Variants in AFF1 observed in about 807,000 individuals in gnomAD.
The protein encoded by AFF1 is AF4/FMR2 family member 1.
In AFF1, 48 loss-of-function variants were observed where a neutral mutation model predicts 121.7. The observed-to-expected ratio is 0.39, with a 90% CI of 0.31 to 0.50. The LOEUF (loss-of-function observed/expected upper bound fraction) is 0.50, where lower values mean the gene tolerates loss of function less well. AFF1 is among the 20% of genes least tolerant of loss of function. The pLI is 0.76. For missense variants in AFF1, 1,523 were observed against 1,511.7 expected (o/e 1.01, Z -0.12); for synonymous variants, 613 against 563.0 (o/e 1.09, Z -1.26).
At chr4:86,954,059 A>T (rs909983042) in intron 2 of AFF1, among the ~76,000 whole-genome samples, 1 of 152,118 alleles carries the variant, frequency 6.6e-6, no homozygotes, top group Non-Finnish European at 1.5e-5. Flanking sequence ...GATTAAGACC[A>T]GCTGTCTAGA....
intron 12 of AFF1, among the ~76,000 whole-genome samples, chr4:87,124,093 A>G (rs903002684): frequency 6.6e-6 from 1 of 152,266 alleles, no homozygotes; most frequent in African/African-American, 2.4e-5. Context: ...AAGCTGGTGT[A>G]TGTGCTAACA....
intron 1 of AFF1, among the ~76,000 whole-genome samples, chr4:86,941,680 A>ATAAC (rs70953625): frequency 6.6e-6 from 1 of 151,754 alleles, no homozygotes; most frequent in Non-Finnish European, 1.5e-5. Flanking sequence ...AAATAAATAA[A>ATAAC]ATAAAAAATA....
intron 1 of AFF1, among the ~76,000 whole-genome samples, chr4:86,947,716 A>G (rs1720965711): frequency 6.6e-6 from 1 of 152,190 alleles, no homozygotes; most frequent in Non-Finnish European, 1.5e-5. Flanking sequence ...GTTACCCAAG[A>G]TAGTACCAAG....
Position 87,072,498 on chromosome 4 carries a change from C to T in AFF1, c.1060-11622C>T. Among the ~76,000 whole-genome samples the T allele has an allele frequency of 2.7e-5, 4 of 150,638 alleles. 1 individual carries two copies. In the Middle Eastern group the frequency reaches 0.01, roughly 384 times the overall value. ...AATAACTTTTATATATCTAGTCTGC[C>T]CCTTGTATTTATTTATTATTTATTT... is the stretch of plus-strand genomic sequence containing the variant. On this transcript the variant is annotated intron_variant, in intron 4 of 20. Transcript: ENST00000395146.
intron 12 of AFF1, among the ~76,000 whole-genome samples, chr4:87,118,296 A>C (rs961013734): frequency 1.1e-5 from 1 of 92,312 alleles, no homozygotes; most frequent in Admixed American, 1.2e-4. Context: ...CATGGCACCT[A>C]TAGAAATGCA....
At chr4:87,096,061 A>G (rs236689) in intron 8 of AFF1, among the ~76,000 whole-genome samples, 1 of 152,296 alleles carries the variant, frequency 6.6e-6, no homozygotes, top group South Asian at 2.1e-4. Context: ...CCATGACTAA[A>G]TGTGGGTCTG....
At chr4:87,005,838 G>T (rs1415254692) in intron 2 of AFF1, among the ~76,000 whole-genome samples, 1 of 152,232 alleles carries the variant, frequency 6.6e-6, no homozygotes, top group Non-Finnish European at 1.5e-5. Context: ...AGTGAAGAAT[G>T]CAGTGACTAC....
At chr4:87,084,640 A>G (rs776790240) in intron 5 of AFF1, among the ~76,000 whole-genome samples, 1 of 152,136 alleles carries the variant, frequency 6.6e-6, no homozygotes, top group Non-Finnish European at 1.5e-5. Context: ...AACCCCTTTT[A>G]ACCATTTCTC....
chr4:86,974,813 G>A (rs559023283), intron 2 of AFF1, among the ~76,000 whole-genome samples: 6 of 152,280 alleles, frequency 3.9e-5, no homozygotes, highest in South Asian at 2.1e-4. Flanking sequence ...TAAAACGGGC[G>A]TCGTAATACA....
intron 8 of AFF1, among the ~76,000 whole-genome samples, chr4:87,100,053 C>A (rs1218625784): frequency 6.6e-6 from 1 of 152,028 alleles, no homozygotes; most frequent in African/African-American, 2.4e-5. Context: ...ATATATAAAA[C>A]CTGGATTTGG....
At chr4:87,129,466 G>A (rs951858892) in intron 16 of AFF1, among the ~76,000 whole-genome samples, 1 of 152,148 alleles carries the variant, frequency 6.6e-6, no homozygotes, top group African/African-American at 2.4e-5. Context: ...ACACAGTATT[G>A]TAGTTTAGTT....
chr4:87,082,510 C>T (rs1723274435), intron 4 of AFF1, among the ~76,000 whole-genome samples: 1 of 152,142 alleles, frequency 6.6e-6, no homozygotes, highest in African/African-American at 2.4e-5. Context: ...GTTTTAAAAA[C>T]AGACTGCATC....
intron 4 of AFF1, among the ~76,000 whole-genome samples, chr4:87,051,971 CAGA>C (rs1158388038): frequency 6.6e-6 from 1 of 152,138 alleles, no homozygotes; most frequent in Non-Finnish European, 1.5e-5. Flanking sequence ...TGAGATGAAT[CAGA>C]GGAGGCTGAC....
At chr4:87,043,809 T>TTTTC (rs553253804) in intron 2 of AFF1, among the ~76,000 whole-genome samples, 2 of 139,844 alleles carry the variant, frequency 1.4e-5, no homozygotes, top group Non-Finnish European at 1.5e-5. Flanking sequence ...GAAGATAATT[T>TTTTC]TTTCTTTCTT....
At chr4:86,980,072 G>A (rs895689026) in intron 2 of AFF1, among the ~76,000 whole-genome samples, 2 of 152,056 alleles carry the variant, frequency 1.3e-5, no homozygotes, top group African/African-American at 2.4e-5. Flanking sequence ...CACCACACCC[G>A]GCTAATTCTT....
At chr4:86,941,223 T>G (rs1466626926) in intron 1 of AFF1, among the ~76,000 whole-genome samples, 1 of 152,188 alleles carries the variant, frequency 6.6e-6, no homozygotes, top group Non-Finnish European at 1.5e-5. Context: ...AAAGATAATT[T>G]GAAACAGCCA....
intron 2 of AFF1, among the ~76,000 whole-genome samples, chr4:87,011,854 G>A (rs147200891): frequency 1.8e-4 from 28 of 152,280 alleles, no homozygotes; most frequent in African/African-American, 6.5e-4. Context: ...AAAGTCAGCT[G>A]ATTTATGGGG....
chr4:86,960,885 T>TGGGC (rs1192820043), intron 2 of AFF1, among the ~76,000 whole-genome samples: 1 of 152,196 alleles, frequency 6.6e-6, no homozygotes, highest in African/African-American at 2.4e-5. Flanking sequence ...GGTAAGGCAC[T>TGGGC]GGGCACCCAA....
intron 2 of AFF1, among the ~76,000 whole-genome samples, chr4:87,000,368 C>T (rs1578028606): frequency 6.6e-6 from 1 of 152,162 alleles, no homozygotes; most frequent in East Asian, 1.9e-4. Context: ...TTTTAGGATA[C>T]CTCGGGTTGC....
Sources: allele counts gnomAD v4.1 joint callset (sites outside exome capture counted in the v4.1 genomes callset), GRCh38; gene constraint gnomAD v4.1.1; transcripts MANE v1.5; gene names NCBI Gene and HGNC (gene_info 2026-07-23, HGNC 2026-07-21).